SLC35F4: variants seen among roughly 807,000 people sequenced by gnomAD.
SLC35F4 encodes the protein chromosome 14 open reading frame 36.
A neutral mutation model predicts 44.2 loss-of-function variants in SLC35F4; 24 were observed. The ratio of observed to expected loss-of-function variants is 0.54; its 90% CI spans 0.39 to 0.76. The LOEUF (loss-of-function observed/expected upper bound fraction) is 0.76, where lower values mean the gene tolerates loss of function less well. Among genes scored for constraint, SLC35F4 ranks in the 30% least tolerant of loss-of-function variants. SLC35F4 has a pLI of 0.00. For missense variants in SLC35F4, 562 were observed against 586.1 expected (o/e 0.96, Z 0.42); for synonymous variants, 238 against 223.6 (o/e 1.06, Z -0.57).
intron 1 of SLC35F4, among the ~76,000 whole-genome samples, chr14:57,654,606 C>T (rs922634876): frequency 6.6e-6 from 1 of 152,138 alleles, no homozygotes; most frequent in Non-Finnish European, 1.5e-5. Flanking sequence ...TGGGTAGATA[C>T]CCATAGTGGG....
At chr14:57,864,586 G>C (rs1201673456) in intron 1 of SLC35F4, among the ~76,000 whole-genome samples, 1 of 152,154 alleles carries the variant, frequency 6.6e-6, no homozygotes, top group East Asian at 1.9e-4. Flanking sequence ...GTGTTTTCTT[G>C]TCTTTGTGCC....
chr14:57,815,004 T>C (rs1026477958), intron 1 of SLC35F4, among the ~76,000 whole-genome samples: 4 of 152,182 alleles, frequency 2.6e-5, no homozygotes, highest in Admixed American at 6.5e-5. Flanking sequence ...TATTTGTAAA[T>C]AAGATTTCAT....
chr14:57,730,289 C>T lies in SLC35F4; in HGVS notation c.103+135434G>A, dbSNP rs775009442. Among the ~76,000 whole-genome samples the T allele has an allele frequency of 3.3e-5, 5 of 152,198 alleles. No homozygotes were observed. The South Asian group carries it at 1.0e-3, about 31-fold the overall frequency. On this transcript the variant is annotated intron_variant, in intron 1 of 7. Coordinates refer to ENST00000556826, the MANE Select transcript of SLC35F4 (RefSeq NM_001306087.2). ...AGGAAGTATGTAGGCTTCTATTCCACCATCTTTCTCCATCTTCTCATCTTT... is the reference window on the plus strand; with the variant it reads ...AGGAAGTATGTAGGCTTCTATTCCATCATCTTTCTCCATCTTCTCATCTTT...
chr14:57,596,784 T>C, intron 1 of SLC35F4: 1 of 1,367,004 alleles, frequency 7.3e-7, no homozygotes, highest in Non-Finnish European at 9.8e-7. Flanking sequence ...AAATATTATG[T>C]CCTGGCTTCC....
At chr14:57,883,002 AGAG>A (rs937095754) in intron 1 of SLC35F4, among the ~76,000 whole-genome samples, 27 of 143,946 alleles carry the variant, frequency 1.9e-4, no homozygotes, top group Middle Eastern at 3.5e-3. Flanking sequence ...ATAAGGGGAG[AGAG>A]GAGGAGGAGG....
rs140817157 is a variant in SLC35F4 at position 57,593,766 on chromosome 14, T to C, written c.289+173A>G. 6.6e-3 allele frequency among the ~76,000 whole-genome samples: 1,010 copies of C among 152,338 alleles called. 5 individuals are homozygous for C. Among genetic ancestry groups the C allele is most frequent in the Non-Finnish European group, 0.011 (761 of 68,036 alleles). On this transcript the variant is annotated intron_variant, in intron 2 of 7. Coordinates refer to ENST00000556826, the MANE Select transcript of SLC35F4 (RefSeq NM_001306087.2). ...TCTCTGCCATACTATACACCACTAATAGATTGTATCTATATATTTCCCTGC... is the reference window on the plus strand; with the variant it reads ...TCTCTGCCATACTATACACCACTAACAGATTGTATCTATATATTTCCCTGC...
chr14:57,704,940 G>A (rs1438653478), intron 1 of SLC35F4, among the ~76,000 whole-genome samples: 2 of 152,166 alleles, frequency 1.3e-5, no homozygotes, highest in Admixed American at 1.3e-4. Flanking sequence ...TGAGTCAGTG[G>A]CTCTTTCCCA....
At chr14:57,874,473 C>CA (rs999114857) in intron 1 of SLC35F4, among the ~76,000 whole-genome samples, 90 of 152,308 alleles carry the variant, frequency 5.9e-4, no homozygotes, top group African/African-American at 2.0e-3. Context: ...GAGCAAGGCA[C>CA]AAACACTCAA....
intron 1 of SLC35F4, among the ~76,000 whole-genome samples, chr14:57,814,955 C>A (rs1882396071): frequency 6.6e-6 from 1 of 152,102 alleles, no homozygotes; most frequent in Non-Finnish European, 1.5e-5. Context: ...CAGGGGTTGG[C>A]AAGTTACAGC....
At chr14:57,922,555 T>G (rs893939292) in intron 1 of SLC35F4, among the ~76,000 whole-genome samples, 4 of 152,230 alleles carry the variant, frequency 2.6e-5, no homozygotes, top group Non-Finnish European at 5.9e-5. Context: ...TTATTACTGA[T>G]GCCTGAAAGA....
At chr14:57,566,395 G>A in intron 7 of SLC35F4, 80 bp downstream of exon 7, 2 of 1,330,872 alleles carry the variant, frequency 1.5e-6, no homozygotes, top group South Asian at 1.4e-5. Context: ...TTTCTAGAAG[G>A]AACAACTCAG....
intron 5 of SLC35F4, 37 bp from the exon 6 acceptor site, chr14:57,570,017 C>G (rs1020613854): frequency 6.5e-7 from 1 of 1,542,460 alleles, no homozygotes; most frequent in Non-Finnish European, 8.7e-7. Flanking sequence ...CACACAGAAA[C>G]TTAGCCAGAG....
chr14:57,733,928 G>A (rs941320933), intron 1 of SLC35F4, among the ~76,000 whole-genome samples: 5 of 152,058 alleles, frequency 3.3e-5, no homozygotes, highest in African/African-American at 9.7e-5. Context: ...GCTAGTATTT[G>A]TAAAATATGA....
At position 57,747,534 on chromosome 14, in the gene SLC35F4, C is replaced by A. The variant is rs550081375; in HGVS notation, c.103+118189G>T. ...TTGTGAACCCTAATGTACCCACCAT[C>A]CAGCTCCAACAATTGGCAACCCTTG... On this transcript the variant is annotated intron_variant, in intron 1 of 7. Transcript: ENST00000556826. 2.0e-5 allele frequency among the ~76,000 whole-genome samples: 3 copies of A among 152,214 alleles called. No individual in the cohort carries two copies. The East Asian group carries it at 5.8e-4, about 29-fold the overall frequency.
chr14:57,737,589 C>T (rs538304056), intron 1 of SLC35F4, among the ~76,000 whole-genome samples: 14 of 152,140 alleles, frequency 9.2e-5, no homozygotes, highest in Middle Eastern at 6.8e-3. Flanking sequence ...AAGCTGTGGA[C>T]GTAAGTACTC....
chr14:57,730,255 G>A lies in SLC35F4; in HGVS notation c.103+135468C>T, dbSNP rs116564987. Among the ~76,000 whole-genome samples, 1,013 of 152,196 alleles carry A rather than the reference G, an allele frequency of 6.7e-3. 11 individuals carry two copies. Among genetic ancestry groups the A allele is most frequent in the African/African-American group, 0.023 (940 of 41,528 alleles). On this transcript the variant is annotated intron_variant, in intron 1 of 7. Coordinates refer to ENST00000556826, the MANE Select transcript of SLC35F4 (RefSeq NM_001306087.2). The stretch of plus-strand genomic sequence containing the variant: ...ATAGTTGTTAAAATTTGGTGTTCCC[G>A]CAGGGGACAGGAAGTATGTAGGCTT...
intron 1 of SLC35F4, among the ~76,000 whole-genome samples, chr14:57,745,461 C>T: frequency 6.6e-6 from 1 of 152,240 alleles, no homozygotes; most frequent in Admixed American, 6.5e-5. Context: ...GACATTTATG[C>T]AGCCAACAGA....
At chr14:57,594,145 C>T in intron 1 of SLC35F4, 21 bp from the exon 2 acceptor site, 3 of 1,604,170 alleles carry the variant, frequency 1.9e-6, no homozygotes, top group Middle Eastern at 1.7e-4. Context: ...AGAGTTCACG[C>T]CAGTTTGAGA....
intron 1 of SLC35F4, among the ~76,000 whole-genome samples, chr14:57,873,051 G>A (rs1462515010): frequency 2.0e-5 from 3 of 152,190 alleles, no homozygotes; most frequent in Non-Finnish European, 4.4e-5. Context: ...TGTAACAGTA[G>A]TTGCAGCCAC....
Sources: allele counts gnomAD v4.1 joint callset (sites outside exome capture counted in the v4.1 genomes callset), GRCh38; gene constraint gnomAD v4.1.1; transcripts MANE v1.5; gene names NCBI Gene and HGNC (gene_info 2026-07-23, HGNC 2026-07-21).